RIMS1: variants seen among roughly 807,000 people sequenced by gnomAD.
RIMS1 encodes the protein regulating synaptic membrane exocytosis protein 1.
A neutral mutation model predicts 214.1 loss-of-function variants in RIMS1; 83 were observed. The ratio of observed to expected loss-of-function variants is 0.39; its 90% CI spans 0.32 to 0.47. RIMS1 has a LOEUF of 0.47. Among genes scored for constraint, RIMS1 ranks in the 20% least tolerant of loss-of-function variants. The pLI is 0.99. For missense variants in RIMS1, 2,050 were observed against 2,161.8 expected (o/e 0.95, Z 1.03); for synonymous variants, 793 against 786.8 (o/e 1.01, Z -0.13).
intron 2 of RIMS1, among the ~76,000 whole-genome samples, chr6:72,092,335 G>A (rs72934873): frequency 0.37 from 48,926 of 132,362 alleles, 9,620 homozygotes; most frequent in South Asian, 0.48. Flanking sequence ...ATATTGGCTG[G>A]TAAAATAAGG....
intron 28 of RIMS1, among the ~76,000 whole-genome samples, chr6:72,330,787 G>A (rs1039357070): frequency 6.6e-6 from 1 of 151,708 alleles, no homozygotes; most frequent in African/African-American, 2.4e-5. Flanking sequence ...AGATTGATTA[G>A]ATTAATCTGA....
At chr6:72,024,210 T>C (rs1585111992) in intron 2 of RIMS1, among the ~76,000 whole-genome samples, 2 of 152,182 alleles carry the variant, frequency 1.3e-5, no homozygotes, top group Admixed American at 1.3e-4. Context: ...AGCTCTTTCT[T>C]CCTTCTTGGC....
chr6:72,348,963 G>T (rs929441878), intron 29 of RIMS1, among the ~76,000 whole-genome samples: 2 of 151,822 alleles, frequency 1.3e-5, no homozygotes, highest in African/African-American at 2.4e-5. Context: ...AAGCAAAAAT[G>T]CCCAGATTTT....
At chr6:71,955,259 C>A (rs1790890743) in intron 1 of RIMS1, among the ~76,000 whole-genome samples, 1 of 151,968 alleles carries the variant, frequency 6.6e-6, no homozygotes, top group Admixed American at 6.6e-5. Flanking sequence ...CTCTGCCTCC[C>A]AGGTTCAAGC....
At chr6:72,049,339 C>A (rs1823974854) in intron 2 of RIMS1, among the ~76,000 whole-genome samples, 1 of 152,046 alleles carries the variant, frequency 6.6e-6, no homozygotes, top group African/African-American at 2.4e-5. Flanking sequence ...GAACTCAACC[C>A]CTCTTATGGT....
At chr6:72,331,978 C>G (rs2096675005) in intron 28 of RIMS1, among the ~76,000 whole-genome samples, 1 of 151,806 alleles carries the variant, frequency 6.6e-6, no homozygotes, top group Non-Finnish European at 1.5e-5. Flanking sequence ...AGTCTTACCT[C>G]TTTTCCGTAG....
At chr6:71,970,454 C>G (rs1269259596) in intron 2 of RIMS1, among the ~76,000 whole-genome samples, 2 of 152,082 alleles carry the variant, frequency 1.3e-5, no homozygotes, top group Non-Finnish European at 2.9e-5. Flanking sequence ...TCTTTATATT[C>G]CACGTATCGA....
intron 29 of RIMS1, among the ~76,000 whole-genome samples, chr6:72,351,116 G>A (rs1052569900): frequency 6.6e-6 from 1 of 151,508 alleles, no homozygotes; most frequent in African/African-American, 2.4e-5. Context: ...ATTTTTTAGA[G>A]AATTTGTTTT....
chr6:72,314,784 T>C (rs1000694973), intron 28 of RIMS1, among the ~76,000 whole-genome samples: 2 of 152,134 alleles, frequency 1.3e-5, no homozygotes, highest in Admixed American at 1.3e-4. Context: ...GAATGTTTTT[T>C]AAACTGTTGA....
chr6:72,127,293 T>C (rs2039707333), intron 4 of RIMS1, among the ~76,000 whole-genome samples: 1 of 152,222 alleles, frequency 6.6e-6, no homozygotes, highest in African/African-American at 2.4e-5. Flanking sequence ...CTAATACCAG[T>C]ACATGCTGTG....
chr6:71,984,653 T>C (rs771739325), intron 2 of RIMS1, among the ~76,000 whole-genome samples: 1 of 152,170 alleles, frequency 6.6e-6, no homozygotes, highest in Non-Finnish European at 1.5e-5. Flanking sequence ...CCAGGTGCTC[T>C]TTTTATTTCA....
intron 28 of RIMS1, chr6:72,316,929 T>C: frequency 1.4e-6 from 1 of 704,356 alleles, no homozygotes; most frequent in Non-Finnish European, 2.6e-6. Context: ...TGAGGTGTCC[T>C]GCAGTAGAGT....
intron 2 of RIMS1, among the ~76,000 whole-genome samples, chr6:72,080,680 C>T (rs889928181): frequency 6.6e-6 from 1 of 152,192 alleles, no homozygotes; most frequent in African/African-American, 2.4e-5. Context: ...ACCACAGGGG[C>T]CCAGCCACTT....
At chr6:72,328,890 G>A (rs2096570254) in intron 28 of RIMS1, among the ~76,000 whole-genome samples, 1 of 151,732 alleles carries the variant, frequency 6.6e-6, no homozygotes, top group South Asian at 2.1e-4. Flanking sequence ...ACTGAAATCT[G>A]CTGGCCAGCC....
chr6:72,165,099 TA>T (rs569520166), intron 4 of RIMS1, among the ~76,000 whole-genome samples: 15 of 152,306 alleles, frequency 9.8e-5, no homozygotes, highest in South Asian at 4.1e-4. Flanking sequence ...ATATATTAAA[TA>T]TTTTTTTCCA....
intron 4 of RIMS1, among the ~76,000 whole-genome samples, chr6:72,113,489 A>G (rs576486091): frequency 1.3e-3 from 204 of 152,286 alleles, no homozygotes; most frequent in African/African-American, 4.6e-3. Context: ...TTTTGGAAAA[A>G]TAATGAAAGG....
At chr6:72,333,281 G>A (rs187512750) in intron 28 of RIMS1, among the ~76,000 whole-genome samples, 1 of 151,792 alleles carries the variant, frequency 6.6e-6, no homozygotes, top group South Asian at 2.1e-4. Context: ...TGGTAACATA[G>A]TAACTATACT....
intron 2 of RIMS1, among the ~76,000 whole-genome samples, chr6:71,989,480 T>C (rs900079194): frequency 2.6e-4 from 39 of 152,216 alleles, no homozygotes; most frequent in Non-Finnish European, 8.8e-5. Context: ...TTTGTTTTGC[T>C]CTAAGGGCAT....
chr6:72,390,996 A>G, intron 30 of RIMS1: 1 of 328,054 alleles, frequency 3.0e-6, no homozygotes, highest in Admixed American at 4.6e-5. Flanking sequence ...GAAAGCCCAG[A>G]CTAGTTCCTT....
Sources: gnomAD v4.1 joint callset for allele counts (sites outside exome capture counted in the v4.1 genomes callset) on GRCh38, gnomAD v4.1.1 for gene constraint, MANE v1.5 for transcripts, NCBI Gene and HGNC (gene_info 2026-07-23, HGNC 2026-07-21) for gene names.